ERG: variants seen among roughly 807,000 people sequenced by gnomAD.
ERG encodes transcriptional regulator ERG.
ERG carries 9 observed loss-of-function variants against 55.3 expected under a neutral mutation model. That is an observed-to-expected ratio of 0.16 (90% confidence interval 0.10 to 0.28). ERG has a LOEUF of 0.28. Among genes scored for constraint, ERG ranks in the 10% least tolerant of loss-of-function variants. The pLI, the probability that ERG is intolerant of heterozygous loss-of-function variation, is 1.00. For missense variants in ERG, 434 were observed against 631.6 expected, an observed-to-expected ratio of 0.69 and a Z score of 3.35; for synonymous variants, 223 against 237.3, an observed-to-expected ratio of 0.94 and a Z score of 0.55.
At chr21:38,561,978 T>C (rs942931674) in intron 2 of ERG, among the ~76,000 whole-genome samples, 9 of 152,198 alleles carry the variant, frequency 5.9e-5, no homozygotes, top group Non-Finnish European at 1.0e-4. Context: ...ATCTTTAAAA[T>C]AATAAAAAAA....
At chr21:38,375,815 G>A (rs774059603), downstream of ERG, among the ~76,000 whole-genome samples, 19 of 152,278 alleles carry the variant, frequency 1.2e-4, no homozygotes, top group Non-Finnish European at 2.4e-4. Flanking sequence ...TCTCTGGTCT[G>A]TTGTGGGCCC....
chr21:38,391,420 A>G (rs1987965625), intron 8 of ERG, among the ~76,000 whole-genome samples: 2 of 152,208 alleles, frequency 1.3e-5, no homozygotes, highest in Non-Finnish European at 2.9e-5. Flanking sequence ...ACAAAGAAGC[A>G]GCCTGTGTGC....
intron 1 of ERG, chr21:38,451,032 T>A (rs1354392172): frequency 2.3e-6 from 1 of 432,342 alleles, no homozygotes; most frequent in Admixed American, 2.5e-5. Context: ...ACCTGGCTGT[T>A]ACTGGAAGGA....
chr21:38,467,890 G>A (rs757572524), intron 1 of ERG, among the ~76,000 whole-genome samples: 3 of 152,228 alleles, frequency 2.0e-5, no homozygotes, highest in Non-Finnish European at 2.9e-5. Context: ...GCATGAGGGT[G>A]TCATTTATGT....
rs78471069 is a variant in ERG at position 38,648,568 on chromosome 21, A to G, written c.-150+13090T>C. 9.1e-3 allele frequency among the ~76,000 whole-genome samples: 1,391 copies of G among 152,334 alleles called. 19 individuals are homozygous for G. Among genetic ancestry groups the G allele is most frequent in the African/African-American group, 0.032 (1,314 of 41,566 alleles). ...AATCAGGAAGTCTGTGGAAATCCCT[A>G]CTGTCTTATAAAGATTGCACCGTGC... On this transcript the variant is annotated intron_variant, in intron 1 of 10. Coordinates refer to the ERG transcript ENST00000398910.
chr21:38,630,284 T>C (rs886509714), intron 1 of ERG, among the ~76,000 whole-genome samples: 4 of 152,156 alleles, frequency 2.6e-5, no homozygotes, highest in Non-Finnish European at 4.4e-5. Context: ...TTTACCACAG[T>C]AGATTTCTTG....
intron 3 of ERG, among the ~76,000 whole-genome samples, chr21:38,418,927 C>CAAAAAAAAAAAAAA (rs35001409): frequency 2.5e-5 from 2 of 80,922 alleles, no homozygotes; most frequent in African/African-American, 4.6e-5. Flanking sequence ...GACTTTGTCT[C>CAAAAAAAAAAAAAA]AAAAAAAAAA....
intron 3 of ERG, among the ~76,000 whole-genome samples, chr21:38,414,830 G>A (rs1158924571): frequency 7.2e-6 from 1 of 138,138 alleles, no homozygotes; most frequent in Non-Finnish European, 1.6e-5. Flanking sequence ...TTTTTTTTTT[G>A]TATATTCATT....
chr21:38,625,360 T>A lies in ERG; in HGVS notation c.-150+36298A>T, dbSNP rs917082058. 8.5e-5 allele frequency among the ~76,000 whole-genome samples: 13 copies of A among 152,334 alleles called. No individual in the cohort carries two copies. In the South Asian group the frequency reaches 1.2e-3, roughly 15 times the overall value. On this transcript the variant is annotated intron_variant, in intron 1 of 10. Coordinates refer to the ERG transcript ENST00000398910. ...CTTGCACCATTAGTTTGTTTTTTTT[T>A]AATTTTACTTTAAATTTTGGGATAC...
intron 2 of ERG, among the ~76,000 whole-genome samples, chr21:38,436,899 C>CT (rs11421601): frequency 0.54 from 77,513 of 142,248 alleles, 21,157 homozygotes; most frequent in East Asian, 0.63. Context: ...TTCTTTCTCT[C>CT]TTTTTTTTTT....
intron 2 of ERG, among the ~76,000 whole-genome samples, chr21:38,507,652 C>T (rs571425810): frequency 2.0e-5 from 3 of 152,272 alleles, no homozygotes; most frequent in East Asian, 3.9e-4. Flanking sequence ...GCCCAGAGTT[C>T]GACTTGAACT....
chr21:38,631,625 G>A (rs966162212), intron 1 of ERG, among the ~76,000 whole-genome samples: 2 of 152,074 alleles, frequency 1.3e-5, no homozygotes, highest in African/African-American at 4.8e-5. Flanking sequence ...GTAATCCTCT[G>A]TAACACTAGA....
At chr21:38,417,291 C>T (rs1309759198) in intron 3 of ERG, among the ~76,000 whole-genome samples, 6 of 152,032 alleles carry the variant, frequency 3.9e-5, no homozygotes, top group South Asian at 2.1e-4. Flanking sequence ...CTTTTATTCA[C>T]GGTGAATGGA....
intron 1 of ERG, among the ~76,000 whole-genome samples, chr21:38,612,861 C>A (rs992658870): frequency 5.9e-5 from 9 of 152,014 alleles, no homozygotes; most frequent in African/African-American, 2.2e-4. Context: ...TGGGGTTTCA[C>A]CGTGTTAGCC....
chr21:38,445,281 A>T, intron 2 of ERG, 123 bp downstream of exon 2: 1 of 733,298 alleles, frequency 1.4e-6, no homozygotes, highest in Non-Finnish European at 2.3e-6. Flanking sequence ...AGCTGGGATT[A>T]CAGGCACAGT....
chr21:38,655,223 C>T (rs1293861715), intron 1 of ERG, among the ~76,000 whole-genome samples: 5 of 152,118 alleles, frequency 3.3e-5, no homozygotes, highest in Non-Finnish European at 7.4e-5. Flanking sequence ...GCCACAGTCA[C>T]CCCCTCTTCC....
intron 3 of ERG, among the ~76,000 whole-genome samples, chr21:38,412,471 C>T (rs770753293): frequency 1.3e-5 from 2 of 152,148 alleles, no homozygotes; most frequent in Non-Finnish European, 2.9e-5. Context: ...TTTTACTCCA[C>T]TGAATTTTCT....
At chr21:38,644,786 T>G (rs2060446242) in intron 1 of ERG, among the ~76,000 whole-genome samples, 2 of 152,150 alleles carry the variant, frequency 1.3e-5, no homozygotes, top group South Asian at 4.1e-4. Context: ...AGAAATAACA[T>G]GTATTTGATA....
intron 2 of ERG, among the ~76,000 whole-genome samples, chr21:38,522,491 A>T (rs78985271): frequency 0.016 from 2,388 of 152,314 alleles, 72 homozygotes; most frequent in African/African-American, 0.054. Flanking sequence ...ATGACAAATG[A>T]TTGTGTAAAG....
Sources: gnomAD v4.1 joint callset for allele counts (sites outside exome capture counted in the v4.1 genomes callset) on GRCh38, gnomAD v4.1.1 for gene constraint, MANE v1.5 for transcripts, NCBI Gene and HGNC (gene_info 2026-07-23, HGNC 2026-07-21) for gene names.